The following AOX1 variants were observed in gnomAD, a reference collection of about 807,000 sequenced individuals.
The protein encoded by AOX1 is aldehyde oxidase 1.
AOX1 carries 153 observed loss-of-function variants against 169.5 expected under a neutral mutation model. That is an observed-to-expected ratio of 0.90 (90% CI 0.79 to 1.03). The LOEUF (loss-of-function observed/expected upper bound fraction) is 1.03. Ranked by LOEUF, AOX1 falls within the 50% of genes least tolerant of loss-of-function variation. The pLI is 0.00. For missense variants in AOX1, 1,656 were observed against 1,663.9 expected, an observed-to-expected ratio of 1.00 and a Z score of 0.08; for synonymous variants, 562 against 581.9, an observed-to-expected ratio of 0.97 and a Z score of 0.49.
chr2:200,662,399 A>T (rs1241038793), intron 30 of AOX1, among the ~76,000 whole-genome samples: 2 of 152,208 alleles, frequency 1.3e-5, no homozygotes, highest in Non-Finnish European at 1.5e-5. Context: ...CTTGATGGTG[A>T]GAGACCAGAG....
Position 200,609,372 on chromosome 2 carries a change from A to G in AOX1, c.1111A>G (p.Ile371Val). 6.2e-7 allele frequency: 1 copy of G among 1,614,118 alleles called. No individual in the cohort carries two copies. Among genetic ancestry groups the G allele is most frequent in the South Asian group, 1.1e-5 (1 of 91,078 alleles). The change falls in exon 12 of 35, where the codon ATC becomes GTC. Residue 371 changes from isoleucine (I) to valine (V), a missense_variant. Ile to Val is a conservative substitution (Grantham distance 29). Coordinates refer to ENST00000374700, the MANE Select transcript of AOX1 (RefSeq NM_001159.4). ...SRHPDSDLNPILAVGNCTLNL... is the reference protein window; with the variant it reads ...SRHPDSDLNPVLAVGNCTLNL... ...GCATCCAGATTCAGATCTGAATCCC[A>G]TCCTGGCTGTGGGTAACTGTACCCT...
Position 200,613,952 on chromosome 2 carries a change from A to AC in AOX1, c.1597_1598insC (p.Ile533ThrfsTer12). On this transcript the variant is annotated frameshift_variant, in exon 15 of 35. Coordinates refer to ENST00000374700, the MANE Select transcript of AOX1 (RefSeq NM_001159.4). LOFTEE classifies it high-confidence loss of function. ...CAAGTTCTACCTGGAAGTGTCACAG[A>AC]TTTTGAAAAAGATGGTAAACAACTG... The AC allele has an allele frequency of 6.2e-7, 1 of 1,612,196 alleles. No homozygotes were observed.
At position 200,642,801 on chromosome 2, in the gene AOX1, G is replaced by C; in HGVS notation, c.2847G>C (p.Lys949Asn). The part of the protein sequence containing the change: ...VAAKCGLSPE[K>N]VRIINMYKEI... ...CCAAATGTGGACTATCCCCTGAGAA[G>C]GTAATACTAAATCAGCTTCACAGAC... The change falls in exon 25 of 35, where the codon AAG becomes AAC. Residue 949 changes from lysine (K) to asparagine (N), a missense_variant and splice_region_variant. Transcript: ENST00000374700. 1 of 1,610,330 alleles carries C rather than the reference G, an allele frequency of 6.2e-7. No individual in the cohort carries two copies. Among genetic ancestry groups the C allele is most frequent in the Non-Finnish European group, 8.5e-7 (1 of 1,177,856 alleles).
At chr2:200,596,470 T>A (rs2106367644) in intron 3 of AOX1, among the ~76,000 whole-genome samples, 1 of 152,308 alleles carries the variant, frequency 6.6e-6, no homozygotes, top group Admixed American at 6.5e-5. Flanking sequence ...GCTTGGAAAG[T>A]TTCTTTTAGC....
intron 27 of AOX1, among the ~76,000 whole-genome samples, chr2:200,657,190 A>ATATAT: frequency 2.7e-3 from 167 of 62,872 alleles, no homozygotes; most frequent in Admixed American, 5.0e-3. Context: ...ATATATATAT[A>ATATAT]TTTTTTTTTT....
chr2:200,680,368 T>C (rs1387320953), downstream of AOX1, among the ~76,000 whole-genome samples: 3 of 152,146 alleles, frequency 2.0e-5, no homozygotes, highest in Admixed American at 2.0e-4. Flanking sequence ...ACTCTAAAAA[T>C]ACCCTCTCCC....
At chr2:200,622,340 C>G (rs1166600336) in intron 18 of AOX1, among the ~76,000 whole-genome samples, 1 of 152,166 alleles carries the variant, frequency 6.6e-6, no homozygotes, top group South Asian at 2.1e-4. Flanking sequence ...ACATTGTTGC[C>G]TTGTGAAAAT....
intron 4 of AOX1, among the ~76,000 whole-genome samples, chr2:200,598,532 C>T (rs1044071006): frequency 6.6e-6 from 1 of 152,062 alleles, no homozygotes; most frequent in Admixed American, 6.5e-5. Flanking sequence ...ATCACGAGCT[C>T]AAGAGATCAA....
At chr2:200,596,760 A>G (rs574538322) in intron 3 of AOX1, among the ~76,000 whole-genome samples, 2 of 152,082 alleles carry the variant, frequency 1.3e-5, no homozygotes, top group African/African-American at 4.8e-5. Context: ...ATCGGAGTTT[A>G]GTTTATTTAT....
At position 200,633,197 on chromosome 2, in the gene AOX1, TC is replaced by T. The variant is rs554807714; in HGVS notation, c.2222-1593del. Among the ~76,000 whole-genome samples, 289 of 152,336 alleles carry T rather than the reference TC, an allele frequency of 1.9e-3. 1 individual carries two copies. Among genetic ancestry groups the T allele is most frequent in the Admixed American group, 4.0e-3 (61 of 15,296 alleles). On this transcript the variant is annotated intron_variant, in intron 20 of 34. Transcript: ENST00000374700. ...TTTTCTGAAGTTTGACTATGAGGTA[TC>T]TTGGAGTGTATTTCTTTGAATTTAT...
chr2:200,620,988 C>A, intron 17 of AOX1, 132 bp from the exon 18 acceptor site: 1 of 1,350,780 alleles, frequency 7.4e-7, no homozygotes, highest in Non-Finnish European at 1.0e-6. Context: ...TTCGTTGTCC[C>A]AAGAATTTTT....
At chr2:200,658,837 G>T (rs1025382915) in intron 27 of AOX1, among the ~76,000 whole-genome samples, 1 of 152,202 alleles carries the variant, frequency 6.6e-6, no homozygotes, top group Non-Finnish European at 1.5e-5. Flanking sequence ...GAGTGTGGTC[G>T]TAGGAGAAGC....
chr2:200,642,760 A>T lies in AOX1; in HGVS notation c.2806A>T (p.Ile936Phe). ...PQAALITESC[I>F]TEVAAKCGLS... ...GGCAGCGCTGATCACCGAATCTTGT[A>T]TCACGGAAGTTGCAGCCAAATGTGG... Residue 936 changes from isoleucine to phenylalanine, a missense_variant, in exon 25 of 35, where the codon ATC (isoleucine) becomes TTC (phenylalanine). Physicochemically the swap from Ile to Phe is conservative, Grantham distance 21. Transcript: ENST00000374700. The T allele has an allele frequency of 6.2e-7, 1 of 1,613,932 alleles. No homozygotes were observed. Among genetic ancestry groups the T allele is most frequent in the African/African-American group, 1.3e-5 (1 of 75,036 alleles).
intron 20 of AOX1, among the ~76,000 whole-genome samples, chr2:200,629,639 G>A (rs1029530656): frequency 2.6e-5 from 4 of 152,158 alleles, no homozygotes; most frequent in African/African-American, 9.7e-5. Context: ...GAAAATACTG[G>A]AAAAGTGAGT....
At chr2:200,675,325 A>G (rs2036080507), downstream of AOX1, among the ~76,000 whole-genome samples, 9 of 152,352 alleles carry the variant, frequency 5.9e-5, 2 homozygotes, top group South Asian at 1.9e-3. Context: ...AGGGAAAAAT[A>G]ATCAAAGGAG....
At chr2:200,599,305 G>A (rs545499295) in intron 4 of AOX1, among the ~76,000 whole-genome samples, 18 of 152,220 alleles carry the variant, frequency 1.2e-4, no homozygotes, top group East Asian at 1.9e-4. Flanking sequence ...ATGTATGCCC[G>A]TGCCCCATTC....
intron 9 of AOX1, among the ~76,000 whole-genome samples, chr2:200,605,251 G>A (rs557405190): frequency 2.4e-4 from 37 of 152,148 alleles, no homozygotes; most frequent in Non-Finnish European, 5.3e-4. Context: ...GTTGCATCCA[G>A]TGTGTGCTCA....
chr2:200,669,728 A>C lies in AOX1; in HGVS notation c.3952A>C (p.Lys1318Gln). The C allele has an allele frequency of 6.2e-7, 1 of 1,610,868 alleles. No individual in the cohort carries two copies. Residue 1318 changes from lysine (K) to glutamine (Q), a missense_variant, in exon 34 of 35, where the codon AAG (lysine) becomes CAG (glutamine). Coordinates refer to ENST00000374700, the MANE Select transcript of AOX1 (RefSeq NM_001159.4). ...GAAGATTAGGATGGCCTGTGAAGAC[A>C]AGTTCACAAAAATGGTACGTTTGCA... ...PEKIRMACED[K>Q]FTKMIPRDEP...
In AOX1 at chr2:200,604,078, T is replaced by C; in HGVS notation, c.650T>C (p.Ile217Thr). Residue 217 changes from isoleucine (I) to threonine (T), a missense_variant, in exon 8 of 35, where the codon ATA (isoleucine) becomes ACA (threonine). Physicochemically the swap from Ile to Thr is moderately conservative, Grantham distance 89. Coordinates refer to ENST00000374700, the MANE Select transcript of AOX1 (RefSeq NM_001159.4). ...FLPLDPTQEL[I>T]FPPELMIMAE... Reference sequence around the variant, plus strand: ...CCATTGGATCCAACCCAGGAACTGATATTTCCTCCTGAGCTAATGGTGAGT... The same window carrying C: ...CCATTGGATCCAACCCAGGAACTGACATTTCCTCCTGAGCTAATGGTGAGT... The C allele has an allele frequency of 6.2e-7, 1 of 1,612,286 alleles. No homozygotes were observed. The highest frequency in any genetic ancestry group is 1.7e-5 in the Admixed American group (1 of 60,014).
Sources: allele counts gnomAD v4.1 joint callset (sites outside exome capture counted in the v4.1 genomes callset), GRCh38; gene constraint gnomAD v4.1.1; transcripts MANE v1.5; gene names NCBI Gene and HGNC (gene_info 2026-07-23, HGNC 2026-07-21).